The following STK39 variants were observed in gnomAD, a reference collection of about 807,000 sequenced individuals.
STK39 encodes the protein serine/threonine kinase 39, also known as STE20/SPS1-related proline-alanine-rich protein kinase.
STK39 carries 20 observed loss-of-function variants against 77.8 expected under a neutral mutation model. The ratio of observed to expected loss-of-function variants is 0.26; its 90% confidence interval spans 0.18 to 0.37. STK39 has a LOEUF of 0.37. Ranked by LOEUF, STK39 falls within the 10% of genes least tolerant of loss-of-function variation. The pLI, the probability that STK39 is intolerant of heterozygous loss-of-function variation, is 1.00. For synonymous variants in STK39, 246 were observed against 234.1 expected (o/e 1.05, Z -0.47); for missense variants, 479 against 656.5 (o/e 0.73, Z 2.95).
rs1687487678 is a variant in STK39 at position 168,124,409 on chromosome 2, C to A, written c.1089+5132G>T. On this transcript the variant is annotated intron_variant, in intron 10 of 17. Coordinates refer to ENST00000355999, the MANE Select transcript of STK39 (RefSeq NM_013233.3). The stretch of plus-strand genomic sequence containing the variant: ...CATATGTGGGTTATATTTTTTATTT[C>A]TATTTTTTTGAGGCGGAGTCTCGAT... 2.6e-5 allele frequency among the ~76,000 whole-genome samples: 4 copies of A among 151,994 alleles called. No homozygotes were observed. The South Asian group carries it at 8.3e-4, about 32-fold the overall frequency.
At chr2:168,108,161 T>C (rs1042802216) in intron 10 of STK39, among the ~76,000 whole-genome samples, 1 of 152,222 alleles carries the variant, frequency 6.6e-6, no homozygotes, top group East Asian at 1.9e-4. Context: ...ATTACCTCTA[T>C]GTCAAGAGCA....
intron 5 of STK39, among the ~76,000 whole-genome samples, chr2:168,154,519 T>C (rs1325239024): frequency 6.6e-6 from 1 of 152,226 alleles, no homozygotes; most frequent in Non-Finnish European, 1.5e-5. Context: ...CAACATATGA[T>C]ACATGCAGTA....
At position 168,236,427 on chromosome 2, in the gene STK39, T is replaced by C. The variant is rs1401048644; in HGVS notation, c.208+10801A>G. On this transcript the variant is annotated intron_variant, in intron 1 of 17. Coordinates refer to ENST00000355999, the MANE Select transcript of STK39 (RefSeq NM_013233.3). ...GCCTGTTCACTCTGATGGTGGTTTC[T>C]TTTGCTGTGCAGAAGCTGTTTAGTT... Among the ~76,000 whole-genome samples the C allele has an allele frequency of 2.0e-5, 3 of 152,250 alleles. No individual in the cohort carries two copies. In the East Asian group the frequency reaches 5.8e-4, roughly 29 times the overall value.
chr2:168,171,141 C>T (rs1039015389), intron 2 of STK39, among the ~76,000 whole-genome samples: 1 of 152,190 alleles, frequency 6.6e-6, no homozygotes, highest in Admixed American at 6.5e-5. Context: ...GCAGCTCCAT[C>T]TGAAATGTAT....
intron 14 of STK39, among the ~76,000 whole-genome samples, chr2:168,047,079 T>G (rs1685263563): frequency 6.6e-6 from 1 of 152,176 alleles, no homozygotes; most frequent in South Asian, 2.1e-4. Context: ...CTTTTAGCCC[T>G]GATATTTTTT....
At chr2:167,968,692 T>G (rs1692229511) in intron 16 of STK39, among the ~76,000 whole-genome samples, 1 of 152,188 alleles carries the variant, frequency 6.6e-6, no homozygotes, top group African/African-American at 2.4e-5. Context: ...CTGAATAGAT[T>G]GATGCAGAAA....
chr2:168,189,737 T>G (rs1689293756), intron 1 of STK39, among the ~76,000 whole-genome samples: 1 of 152,218 alleles, frequency 6.6e-6, no homozygotes, highest in Admixed American at 6.5e-5. Flanking sequence ...GGAATATGAT[T>G]GCTTGCCGGT....
At chr2:168,052,727 T>C (rs1471478698) in intron 14 of STK39, among the ~76,000 whole-genome samples, 1 of 152,228 alleles carries the variant, frequency 6.6e-6, no homozygotes, top group Non-Finnish European at 1.5e-5. Context: ...CACAGGCTAC[T>C]TCCTCTAACT....
At chr2:168,206,288 T>C (rs1689740028) in intron 1 of STK39, among the ~76,000 whole-genome samples, 1 of 151,770 alleles carries the variant, frequency 6.6e-6, no homozygotes, top group South Asian at 2.1e-4. Context: ...ATCCAGACTC[T>C]TTTTCTTTTC....
At position 168,075,008 on chromosome 2, in the gene STK39, G is replaced by A; in HGVS notation, c.1216C>T (p.Arg406Ter). 1 of 1,613,646 alleles carries A rather than the reference G, an allele frequency of 6.2e-7. No individual in the cohort carries two copies. The highest frequency in any genetic ancestry group is 8.5e-7 in the Non-Finnish European group (1 of 1,179,960). The stretch of plus-strand genomic sequence containing the variant: ...TCTGGATTTTCTTCTTTTACTCTTC[G>A]TGACTGTAAAACAATTATGTATCCA... ...GKAAFSQEKS[R>*]RVKEENPEIA... The change falls in exon 12 of 18, where the codon CGA becomes TGA. Residue 406 changes from arginine (R) to a stop codon, truncating the protein, a stop_gained. Coordinates refer to ENST00000355999, the MANE Select transcript of STK39 (RefSeq NM_013233.3). LOFTEE classifies it high-confidence loss of function.
chr2:168,008,263 G>A (rs1305411629), intron 16 of STK39, among the ~76,000 whole-genome samples: 3 of 152,206 alleles, frequency 2.0e-5, no homozygotes, highest in Non-Finnish European at 4.4e-5. Flanking sequence ...GAACTCAACT[G>A]GGAGTTGAGA....
intron 14 of STK39, among the ~76,000 whole-genome samples, chr2:168,056,340 G>A (rs1685525336): frequency 6.6e-6 from 1 of 152,040 alleles, no homozygotes; most frequent in Non-Finnish European, 1.5e-5. Flanking sequence ...GCTTCCGGGG[G>A]GAGGGGGAGG....
At chr2:168,220,835 G>T (rs1690150638) in intron 1 of STK39, among the ~76,000 whole-genome samples, 2 of 152,146 alleles carry the variant, frequency 1.3e-5, no homozygotes, top group Non-Finnish European at 2.9e-5. Context: ...CTCACTTTCA[G>T]TTAAATACCA....
chr2:168,241,548 A>AG (rs1250099905), intron 1 of STK39, among the ~76,000 whole-genome samples: 1 of 152,184 alleles, frequency 6.6e-6, no homozygotes, highest in African/African-American at 2.4e-5. Flanking sequence ...TGGAGGTGCA[A>AG]GGGGAAGCCA....
At chr2:168,184,625 G>A (rs1005028519) in intron 1 of STK39, among the ~76,000 whole-genome samples, 1 of 145,778 alleles carries the variant, frequency 6.9e-6, no homozygotes, top group South Asian at 2.2e-4. Context: ...TAGGACCCTA[G>A]GCATACTTAT....
In STK39 at chr2:168,023,968, AG is replaced by A. The variant is rs1322933187; in HGVS notation, c.1377-6874del. 2.0e-5 allele frequency among the ~76,000 whole-genome samples: 3 copies of A among 152,294 alleles called. No homozygotes were observed. In the East Asian group the frequency reaches 5.8e-4, roughly 29 times the overall value. On this transcript the variant is annotated intron_variant, in intron 14 of 17. Transcript: ENST00000355999. ...TACCCGAAATTCCAGGTGAAGGTGCAGCTGTTAGTGTCCAGGGAATTTCAAA... is the reference window on the plus strand; with the variant it reads ...TACCCGAAATTCCAGGTGAAGGTGCACTGTTAGTGTCCAGGGAATTTCAAA...
At chr2:168,082,654 C>G (rs1362392798) in intron 10 of STK39, among the ~76,000 whole-genome samples, 1 of 152,218 alleles carries the variant, frequency 6.6e-6, no homozygotes, top group Non-Finnish European at 1.5e-5. Context: ...CTGCTCCCAG[C>G]CCAGTACACA....
intron 1 of STK39, among the ~76,000 whole-genome samples, chr2:168,239,550 G>A (rs975366982): frequency 1.3e-5 from 2 of 152,120 alleles, no homozygotes; most frequent in Admixed American, 6.5e-5. Context: ...TGGCCCAAAC[G>A]CAACTAAATA....
At chr2:167,966,741 C>A (rs73026954) in intron 16 of STK39, among the ~76,000 whole-genome samples, 3,351 of 152,282 alleles carry the variant, frequency 0.022, 121 homozygotes, top group African/African-American at 0.077. Flanking sequence ...GTGAATCTCA[C>A]ACCTCTGGGA....
Sources: gnomAD v4.1 joint callset for allele counts (sites outside exome capture counted in the v4.1 genomes callset) on GRCh38, gnomAD v4.1.1 for gene constraint, MANE v1.5 for transcripts, NCBI Gene and HGNC (gene_info 2026-07-23, HGNC 2026-07-21) for gene names.